Variants in RBX1 observed in about 807,000 individuals in gnomAD.
RBX1 encodes the protein E3 ubiquitin-protein ligase RBX1.
For synonymous variants in RBX1, 48 were observed against 47.9 expected (o/e 1.00, Z -0.01); for missense variants, 46 against 141.4 (o/e 0.33, Z 3.42).
chr22:40,956,120 G>A (rs1292119397), intron 2 of RBX1, among the ~76,000 whole-genome samples: 2 of 151,992 alleles, frequency 1.3e-5, no homozygotes, highest in Non-Finnish European at 2.9e-5. Context: ...ATGAGAGAAT[G>A]TACTTCTTAA....
chr22:40,951,431 C>A lies in RBX1; in HGVS notation c.33C>A (p.Ser11Arg), dbSNP rs1404244041. 1 of 1,613,372 alleles carries A rather than the reference C, an allele frequency of 6.2e-7. No individual in the cohort carries two copies. The highest frequency in any genetic ancestry group is 2.2e-5 in the East Asian group (1 of 44,872). ...CAGCGATGGATGTGGATACCCCGAG[C>A]GGCACCAACAGCGGCGCGGGCAAGA... The part of the protein sequence containing the change: MAAAMDVDTP[S>R]GTNSGAGKKR... The change falls in exon 1 of 5, where the codon AGC becomes AGA. Residue 11 changes from serine (S) to arginine (R), a missense_variant. Ser to Arg is a moderately radical substitution (Grantham distance 110). Coordinates refer to ENST00000216225, the MANE Select transcript of RBX1 (RefSeq NM_014248.4).
chr22:40,959,395 T>C (rs541517754), intron 2 of RBX1, among the ~76,000 whole-genome samples: 3 of 152,384 alleles, frequency 2.0e-5, no homozygotes, highest in South Asian at 4.1e-4. Flanking sequence ...AACTTTTGTA[T>C]TGAGCACATT....
intron 3 of RBX1, 112 bp from the exon 4 acceptor site, chr22:40,967,687 T>A (rs2058357818): frequency 1.4e-6 from 1 of 723,750 alleles, no homozygotes. Flanking sequence ...TGTCTTCTTT[T>A]CTTTTCTTGC....
In RBX1 at chr22:40,957,941, C is replaced by T. The variant is rs144902992; in HGVS notation, c.157+4308C>T. Among the ~76,000 whole-genome samples, 113 of 152,174 alleles carry T rather than the reference C, an allele frequency of 7.4e-4. 3 individuals carry two copies. The highest frequency in any genetic ancestry group is 6.7e-3 in the Admixed American group (103 of 15,274). ...CTGGGTTCAAACAATTCTCCTGCCT[C>T]AGCTTCCCGAGTAGCTGGGATTACA... On this transcript the variant is annotated intron_variant, in intron 2 of 4. Transcript: ENST00000216225.
At chr22:40,953,464 AGAT>A in intron 1 of RBX1, 88 bp from the exon 2 acceptor site, 1 of 846,026 alleles carries the variant, frequency 1.2e-6, no homozygotes, top group East Asian at 2.6e-5. Context: ...GTGGCCAAAG[AGAT>A]GATAACTGCA....
intron 4 of RBX1, among the ~76,000 whole-genome samples, chr22:40,970,204 A>G (rs2058365205): frequency 1.3e-5 from 2 of 151,918 alleles, no homozygotes; most frequent in East Asian, 3.9e-4. Flanking sequence ...AAAAATACAA[A>G]AATTAGCCAG....
At chr22:40,972,390 A>C in intron 4 of RBX1, 86 bp from the exon 5 acceptor site, 1 of 1,009,638 alleles carries the variant, frequency 9.9e-7, no homozygotes, top group Non-Finnish European at 1.6e-6. Context: ...GTTCTAACTA[A>C]AGTTGCTTAT....
intron 2 of RBX1, among the ~76,000 whole-genome samples, chr22:40,954,363 C>A (rs147761129): frequency 1.6e-3 from 239 of 151,972 alleles, no homozygotes; most frequent in Admixed American, 6.6e-3. Flanking sequence ...GTATGTTAGG[C>A]CCAAACATAA....
At chr22:40,967,524 C>A (rs771794114) in intron 3 of RBX1, 1 of 260,282 alleles carries the variant, frequency 3.8e-6, no homozygotes, top group Non-Finnish European at 7.4e-6. Flanking sequence ...ATTCCACGTT[C>A]TCTTAAATAG....
At chr22:40,972,379 G>C in intron 4 of RBX1, 97 bp from the exon 5 acceptor site, 1 of 884,058 alleles carries the variant, frequency 1.1e-6, no homozygotes, top group Non-Finnish European at 1.9e-6. Flanking sequence ...TGATCACTTA[G>C]GTTCTAACTA....
chr22:40,967,376 A>G (rs2058357134), intron 3 of RBX1: 1 of 157,162 alleles, frequency 6.4e-6, no homozygotes, highest in African/African-American at 2.4e-5. Flanking sequence ...TACAGGTCGC[A>G]TTCTCCAGGG....
intron 2 of RBX1, among the ~76,000 whole-genome samples, chr22:40,962,495 C>CTTTTT (rs767224631): frequency 7.5e-6 from 1 of 132,600 alleles, no homozygotes; most frequent in African/African-American, 2.8e-5. Context: ...AATAGTTTTA[C>CTTTTT]TTTTTTTTTT....
intron 2 of RBX1, among the ~76,000 whole-genome samples, chr22:40,961,935 C>T (rs909708917): frequency 6.6e-6 from 1 of 152,060 alleles, no homozygotes; most frequent in Non-Finnish European, 1.5e-5. Context: ...CAGATATCCA[C>T]CACCATGCCT....
chr22:40,968,756 T>C (rs1349099225), intron 4 of RBX1, among the ~76,000 whole-genome samples: 1 of 152,150 alleles, frequency 6.6e-6, no homozygotes, highest in African/African-American at 2.4e-5. Context: ...GGAGATTTTC[T>C]GACTATCTCT....
At chr22:40,972,084 C>A (rs892030493) in intron 4 of RBX1, among the ~76,000 whole-genome samples, 12 of 152,148 alleles carry the variant, frequency 7.9e-5, no homozygotes, top group African/African-American at 2.7e-4. Flanking sequence ...TGAAAATAGG[C>A]CGCCATGATC....
At chr22:40,957,759 G>C (rs1201913411) in intron 2 of RBX1, among the ~76,000 whole-genome samples, 1 of 152,108 alleles carries the variant, frequency 6.6e-6, no homozygotes, top group Non-Finnish European at 1.5e-5. Context: ...CCTTGACCTG[G>C]GATCAAGCAG....
intron 4 of RBX1, among the ~76,000 whole-genome samples, chr22:40,970,236 C>A (rs1161784866): frequency 1.3e-5 from 2 of 151,518 alleles, no homozygotes; most frequent in Non-Finnish European, 2.9e-5. Flanking sequence ...CCTATAATCC[C>A]AGCTATTTGG....
Position 40,972,805 on chromosome 22 carries a change from G to C in RBX1, c.*317G>C. 4.2e-6 allele frequency: 1 copy of C among 239,864 alleles called. No homozygotes were observed. The highest frequency in any genetic ancestry group is 8.3e-6 in the Non-Finnish European group (1 of 120,666). 14.9% of individuals were successfully genotyped at this position (239,864 alleles called of 1,614,324 possible). ...GGTTGTCCTCTGAGCGCATCACTTA[G>C]TGACGAGGAATCCAACAGCTCAAGG... is the stretch of plus-strand genomic sequence containing the variant. On this transcript the variant is annotated 3_prime_UTR_variant, in exon 5 of 5. Coordinates refer to ENST00000216225, the MANE Select transcript of RBX1 (RefSeq NM_014248.4).
rs574808537 is a variant in RBX1 at position 40,951,777 on chromosome 22, T to C, written c.78+301T>C. 3.8e-4 allele frequency among the ~76,000 whole-genome samples: 48 copies of C among 125,034 alleles called. No individual in the cohort carries two copies. In the South Asian group the frequency reaches 0.012, roughly 32 times the overall value. The allele number at this position is 125,034 out of a possible 152,430, so 82.0% of individuals were successfully genotyped here. On this transcript the variant is annotated intron_variant, in intron 1 of 4. Transcript: ENST00000216225. ...AGCGCTTGAGCTGTCACTGGAGTGG[T>C]TGAGAGGTGGGGGAAGGACAGGGTA...
Sources: gnomAD v4.1 joint callset for allele counts (sites outside exome capture counted in the v4.1 genomes callset) on GRCh38, gnomAD v4.1.1 for gene constraint, MANE v1.5 for transcripts, NCBI Gene and HGNC (gene_info 2026-07-23, HGNC 2026-07-21) for gene names.